Variants in XKR4 observed in about 807,000 individuals in gnomAD.
XKR4 encodes the protein XK related 4, also known as XK-related protein 4.
A neutral mutation model predicts 53.9 loss-of-function variants in XKR4; 12 were observed. The ratio of observed to expected loss-of-function variants is 0.22; its 90% CI spans 0.14 to 0.36. XKR4 has a LOEUF of 0.36. XKR4 is among the 10% of genes least tolerant of loss of function. XKR4 has a pLI of 1.00. For synonymous variants in XKR4, 354 were observed against 362.4 expected, an observed-to-expected ratio of 0.98 and a Z score of 0.26; for missense variants, 799 against 859.5, an observed-to-expected ratio of 0.93 and a Z score of 0.88.
In XKR4 at chr8:55,434,294, G is replaced by T. The variant is rs183140000; in HGVS notation, c.1006+76417G>T. On this transcript the variant is annotated intron_variant, in intron 2 of 2. Coordinates refer to ENST00000327381, the MANE Select transcript of XKR4 (RefSeq NM_052898.2). ...GAGTCTTTGTAGTTTAACCTTATTC[G>T]TAGATTTGAATTAGTCTTACCAAAA... is the stretch of plus-strand genomic sequence containing the variant. 9.0e-3 allele frequency among the ~76,000 whole-genome samples: 1,366 copies of T among 152,136 alleles called. 9 individuals are homozygous for T. The highest frequency in any genetic ancestry group is 0.015 in the South Asian group (70 of 4,816).
At chr8:55,342,717 C>T (rs536085786) in intron 1 of XKR4, among the ~76,000 whole-genome samples, 11 of 152,288 alleles carry the variant, frequency 7.2e-5, no homozygotes, top group African/African-American at 2.6e-4. Context: ...TGGACTTTGA[C>T]CCAGGTTTCA....
At chr8:55,310,442 C>T (rs1819372666) in intron 1 of XKR4, among the ~76,000 whole-genome samples, 1 of 152,132 alleles carries the variant, frequency 6.6e-6, no homozygotes, top group Non-Finnish European at 1.5e-5. Flanking sequence ...TAGCATAGCA[C>T]CTGACACGTG....
intron 2 of XKR4, chr8:55,453,766 C>T (rs575760686): frequency 1.8e-5 from 7 of 399,092 alleles, no homozygotes; most frequent in Admixed American, 3.4e-5. Flanking sequence ...TGCAGAGCTG[C>T]TCTACCAGTT....
Position 55,449,592 on chromosome 8 carries a change from G to A in XKR4, c.1007-73689G>A, listed in dbSNP as rs913723322. 4.7e-6 allele frequency: 6 copies of A among 1,267,322 alleles called. No homozygotes were observed. In the Admixed American group the frequency reaches 6.8e-5, roughly 14 times the overall value. 78.5% of individuals were successfully genotyped at this position (1,267,322 alleles called of 1,614,324 possible). On this transcript the variant is annotated intron_variant, in intron 2 of 2. Transcript: ENST00000327381. ...TCCTGGGCACAAAAGTCGTAAACGC[G>A]AGGAGTTGTCTTCACGTCAAAGAAG...
At chr8:55,319,871 A>C (rs1354985914) in intron 1 of XKR4, among the ~76,000 whole-genome samples, 1 of 152,190 alleles carries the variant, frequency 6.6e-6, no homozygotes, top group African/African-American at 2.4e-5. Flanking sequence ...ATTCATGTGC[A>C]TCTGATTGCA....
chr8:55,240,263 A>T (rs1563490755), intron 1 of XKR4, among the ~76,000 whole-genome samples: 1 of 152,280 alleles, frequency 6.6e-6, no homozygotes, highest in East Asian at 1.9e-4. Flanking sequence ...ATTTAAAAAA[A>T]TATAAAAACA....
intron 1 of XKR4, among the ~76,000 whole-genome samples, chr8:55,320,246 T>C (rs1052012159): frequency 2.0e-5 from 3 of 152,150 alleles, no homozygotes; most frequent in African/African-American, 7.2e-5. Context: ...GTACTTTTAG[T>C]GAGAGGAAAA....
intron 1 of XKR4, among the ~76,000 whole-genome samples, chr8:55,322,355 C>T (rs1055993676): frequency 6.6e-6 from 1 of 152,136 alleles, no homozygotes; most frequent in Non-Finnish European, 1.5e-5. Flanking sequence ...AATGTGTCAT[C>T]ATTATGATTT....
At chr8:55,247,993 C>T (rs1173860344) in intron 1 of XKR4, among the ~76,000 whole-genome samples, 1 of 150,764 alleles carries the variant, frequency 6.6e-6, no homozygotes, top group African/African-American at 2.4e-5. Flanking sequence ...GTAACTGGGA[C>T]TACAGGTGCG....
In XKR4 at chr8:55,411,312, C is replaced by A. The variant is rs77725453; in HGVS notation, c.1006+53435C>A. The stretch of plus-strand genomic sequence containing the variant: ...ATAACTGATTTGACCTCATCAAATT[C>A]TTGTGAGGATTGAATGTCCTCATAT... On this transcript the variant is annotated intron_variant, in intron 2 of 2. Transcript: ENST00000327381. Among the ~76,000 whole-genome samples the A allele has an allele frequency of 7.6e-3, 1,154 of 152,260 alleles. 7 individuals carry two copies. Among genetic ancestry groups the A allele is most frequent in the Non-Finnish European group, 0.013 (905 of 68,024 alleles).
chr8:55,184,279 T>C (rs962121925), intron 1 of XKR4, among the ~76,000 whole-genome samples: 7 of 152,192 alleles, frequency 4.6e-5, no homozygotes, highest in African/African-American at 1.7e-4. Flanking sequence ...AAGTTGTTAA[T>C]ATACTGTTTA....
At chr8:55,308,114 A>C (rs1819331534) in intron 1 of XKR4, among the ~76,000 whole-genome samples, 1 of 152,082 alleles carries the variant, frequency 6.6e-6, no homozygotes, top group African/African-American at 2.4e-5. Context: ...TTAGCTGGGC[A>C]TGGTGGCATG....
chr8:55,535,754 A>G lies in XKR4; in HGVS notation c.*11527A>G, dbSNP rs1260949171. 2 of 152,212 alleles carry G rather than the reference A, an allele frequency of 1.3e-5. No individual in the cohort carries two copies. The highest frequency in any genetic ancestry group is 4.8e-5 in the African/African-American group (2 of 41,444). The allele number at this position is 152,212 out of a possible 1,614,324, so 9.4% of individuals were successfully genotyped here. On this transcript the variant is annotated 3_prime_UTR_variant, in exon 3 of 3. Transcript: ENST00000327381. Reference sequence around the variant, plus strand: ...AGTTCAAAATAGTCACAGCCAGTCCATAACTATAACAACAGACATGTCCAC... The same window carrying G: ...AGTTCAAAATAGTCACAGCCAGTCCGTAACTATAACAACAGACATGTCCAC...
chr8:55,434,760 TTTTA>T (rs1429223770), intron 2 of XKR4, among the ~76,000 whole-genome samples: 1 of 152,208 alleles, frequency 6.6e-6, no homozygotes, highest in Non-Finnish European at 1.5e-5. Context: ...TTTGCTGCTT[TTTTA>T]TTTGTTAGTG....
At chr8:55,271,363 T>G (rs1417028376) in intron 1 of XKR4, among the ~76,000 whole-genome samples, 1 of 152,096 alleles carries the variant, frequency 6.6e-6, no homozygotes, top group Non-Finnish European at 1.5e-5. Context: ...CTAGGGGAAA[T>G]AAAATCATGG....
At chr8:55,255,191 T>A (rs928780722) in intron 1 of XKR4, among the ~76,000 whole-genome samples, 6 of 152,202 alleles carry the variant, frequency 3.9e-5, no homozygotes, top group African/African-American at 1.4e-4. Context: ...TGGCTCTGGA[T>A]GGTAGAGTGC....
At chr8:55,217,777 GATAGATAGATAC>G (rs1817826581) in intron 1 of XKR4, among the ~76,000 whole-genome samples, 1 of 118,756 alleles carries the variant, frequency 8.4e-6, no homozygotes, top group Non-Finnish European at 2.1e-5. Flanking sequence ...TAGATAGATA[GATAGATAGATAC>G]ACACAGATAA....
chr8:55,108,952 C>A (rs1452779115), intron 1 of XKR4, among the ~76,000 whole-genome samples: 1 of 152,066 alleles, frequency 6.6e-6, no homozygotes, highest in African/African-American at 2.4e-5. Flanking sequence ...TGGAAAATGG[C>A]TGATGGTACT....
intron 1 of XKR4, among the ~76,000 whole-genome samples, chr8:55,219,265 G>C (rs1392874955): frequency 1.4e-5 from 2 of 145,738 alleles, no homozygotes; most frequent in African/African-American, 2.8e-5. Flanking sequence ...ATGGACCTGC[G>C]ATGGATCTTT....
Sources: gnomAD v4.1 joint callset for allele counts (sites outside exome capture counted in the v4.1 genomes callset) on GRCh38, gnomAD v4.1.1 for gene constraint, MANE v1.5 for transcripts, NCBI Gene and HGNC (gene_info 2026-07-23, HGNC 2026-07-21) for gene names.